The following ARPIN variants were observed in gnomAD, a reference collection of about 807,000 sequenced individuals.
ARPIN encodes the protein UPF0552 protein C15orf38.
In ARPIN, 23 loss-of-function variants were observed where a neutral mutation model predicts 25.9. That is an observed-to-expected ratio of 0.89 (90% CI 0.64 to 1.26). ARPIN has a LOEUF of 1.26. Ranked by LOEUF, ARPIN falls within the 50% of genes most tolerant of loss-of-function variation. The probability of loss-of-function intolerance (pLI) is 0.00; values close to 1 mark genes in which losing one functional copy is unlikely to be tolerated. For synonymous variants in ARPIN, 126 were observed against 131.4 expected, an observed-to-expected ratio of 0.96 and a Z score of 0.28; for missense variants, 333 against 312.2, an observed-to-expected ratio of 1.07 and a Z score of -0.50.
At chr15:89,902,763 T>G in intron 5 of ARPIN, 1 of 720,144 alleles carries the variant, frequency 1.4e-6, no homozygotes, top group Non-Finnish European at 1.8e-6. Flanking sequence ...AGGATCAACG[T>G]GGGGACTGAC....
chr15:89,898,283 G>C lies in ARPIN; in HGVS notation c.*3512C>G, dbSNP rs931261184. 3 of 152,168 alleles carry C rather than the reference G, an allele frequency of 2.0e-5. No homozygotes were observed. Among genetic ancestry groups the C allele is most frequent in the African/African-American group, 7.2e-5 (3 of 41,424 alleles). The allele number at this position is 152,168 out of a possible 1,614,324, so 9.4% of individuals were successfully genotyped here. ...AAAAAATTCAGATGGGTAGAGGAAA[G>C]GGACCTCCCTCCAAGAAAAGAGTCC... On this transcript the variant is annotated 3_prime_UTR_variant, in exon 6 of 6. Transcript: ENST00000357484.
At chr15:89,908,186 G>A (rs2141925087) in intron 3 of ARPIN, 94 bp downstream of exon 3, 3 of 1,564,898 alleles carry the variant, frequency 1.9e-6, no homozygotes, top group East Asian at 2.3e-5. Context: ...GAGGGCTGAA[G>A]AGACACTTTC....
intron 3 of ARPIN, among the ~76,000 whole-genome samples, chr15:89,906,073 C>T (rs1897115674): frequency 6.6e-6 from 1 of 152,134 alleles, no homozygotes; most frequent in Non-Finnish European, 1.5e-5. Context: ...AACACTGAGG[C>T]CACTGTGCCT....
rs1035405308 is a variant in ARPIN, at chr15:89,912,773, T to C, written c.63A>G (p.Pro21=). 3.4e-6 allele frequency: 5 copies of C among 1,460,494 alleles called. No homozygotes were observed. The highest frequency in any genetic ancestry group is 3.2e-5 in the African/African-American group (2 of 62,870). The allele number at this position is 1,460,494 out of a possible 1,614,324, so 90.5% of individuals were successfully genotyped here. ...RNKAVQSVRL[P]GAWDPAAHQG... is the part of the protein sequence containing the mutation. ...GGTGGGCGGCGGGGTCCCAGGCCCC[T>C]GGCAGCCGGACGCTCTGCACCGCCT... The change falls in exon 1 of 6, where the codon CCA becomes CCG. Residue 21 remains proline (P), a synonymous_variant. Transcript: ENST00000357484.
chr15:89,903,967 C>A lies in ARPIN; in HGVS notation c.318G>T (p.Gly106=), dbSNP rs778744252. The change falls in exon 4 of 6, where the codon GGG becomes GGT. Residue 106 remains glycine (G), a synonymous_variant. Coordinates refer to ENST00000357484, the MANE Select transcript of ARPIN (RefSeq NM_182616.4). The part of the protein sequence containing the change: ...LMSSYKVEAK[G]DTDRLTPEAL... ...CCTCGGGCGTGAGCCTGTCAGTGTC[C>A]CCCTTGGCTTCCACCTCTGCAGGCA... 3 of 1,607,194 alleles carry A rather than the reference C, an allele frequency of 1.9e-6. No individual in the cohort carries two copies. Among genetic ancestry groups the A allele is most frequent in the Non-Finnish European group, 2.5e-6 (3 of 1,179,100 alleles).
At chr15:89,907,420 TG>T (rs1439091964) in intron 3 of ARPIN, among the ~76,000 whole-genome samples, 6 of 152,074 alleles carry the variant, frequency 3.9e-5, no homozygotes, top group African/African-American at 1.4e-4. Context: ...TAATCACCAA[TG>T]TGATAGTATT....
At chr15:89,911,646 G>A (rs1163872565) in intron 1 of ARPIN, among the ~76,000 whole-genome samples, 6 of 152,048 alleles carry the variant, frequency 3.9e-5, no homozygotes, top group Non-Finnish European at 8.8e-5. Context: ...TATTCAAGGT[G>A]CACAACGTGA....
intron 5 of ARPIN, chr15:89,902,882 C>T: frequency 8.1e-7 from 1 of 1,238,564 alleles, no homozygotes; most frequent in South Asian, 1.7e-5. Context: ...TGTTCAACTG[C>T]CTCAGCATGG....
In ARPIN at chr15:89,898,014, G is replaced by C. The variant is rs569055150; in HGVS notation, c.*3781C>G. ...TTGGGATTACAGTAATCCTCCTGCT[G>C]AGGCAGGAGAAACTCTTGAACCTGG... On this transcript the variant is annotated 3_prime_UTR_variant, in exon 6 of 6. Transcript: ENST00000357484. The C allele has an allele frequency of 6.6e-6, 1 of 152,016 alleles. No homozygotes were observed. Among genetic ancestry groups the C allele is most frequent in the African/African-American group, 2.4e-5 (1 of 41,444 alleles). 9.4% of individuals were successfully genotyped at this position (152,016 alleles called of 1,614,324 possible).
chr15:89,902,831 C>T (rs74893277), intron 5 of ARPIN: 3 of 1,149,964 alleles, frequency 2.6e-6, no homozygotes, highest in African/African-American at 3.2e-5. Flanking sequence ...ACACTTCAGG[C>T]AAGGAGCCCA....
chr15:89,905,204 TAGAA>T (rs1897098273), intron 3 of ARPIN, among the ~76,000 whole-genome samples: 1 of 152,028 alleles, frequency 6.6e-6, no homozygotes, highest in African/African-American at 2.4e-5. Flanking sequence ...GTATTTTTGT[TAGAA>T]ACGGGGTTTC....
Position 89,901,773 on chromosome 15 carries a change from C to T in ARPIN, c.*22G>A, listed in dbSNP as rs1316984063. Reference sequence around the variant, plus strand: ...CACAATGCTACAGAAGGTGCTGGTGCCCCCAGAGGCAGCCACGTCCCTCAG... The same window carrying T: ...CACAATGCTACAGAAGGTGCTGGTGTCCCCAGAGGCAGCCACGTCCCTCAG... On this transcript the variant is annotated 3_prime_UTR_variant, in exon 6 of 6. Coordinates refer to ENST00000357484, the MANE Select transcript of ARPIN (RefSeq NM_182616.4). The T allele has an allele frequency of 6.8e-6, 11 of 1,612,882 alleles. No individual in the cohort carries two copies. Among genetic ancestry groups the T allele is most frequent in the African/African-American group, 1.3e-5 (1 of 75,012 alleles).
chr15:89,902,853 G>A (rs1051017316), intron 5 of ARPIN: 9 of 1,178,744 alleles, frequency 7.6e-6, no homozygotes, highest in Middle Eastern at 3.7e-4. Flanking sequence ...ACCAAAGGAG[G>A]AAAAACTACG....
At chr15:89,908,877 G>C (rs532906290) in intron 2 of ARPIN, among the ~76,000 whole-genome samples, 1 of 152,134 alleles carries the variant, frequency 6.6e-6, no homozygotes, top group African/African-American at 2.4e-5. Context: ...CAGCTATTCA[G>C]GAGGCTAAGG....
Position 89,901,670 on chromosome 15 carries a change from G to T in ARPIN, c.*125C>A. ...CTTGTTCAAAGAGTATTCCAAGGTG[G>T]CTATGGGGAAGAACCAGGTAAGACT... On this transcript the variant is annotated 3_prime_UTR_variant, in exon 6 of 6. Coordinates refer to ENST00000357484, the MANE Select transcript of ARPIN (RefSeq NM_182616.4). The T allele has an allele frequency of 1.7e-6, 2 of 1,154,226 alleles. No homozygotes were observed. Among genetic ancestry groups the T allele is most frequent in the East Asian group, 2.5e-5 (1 of 40,308 alleles). 71.5% of individuals were successfully genotyped at this position (1,154,226 alleles called of 1,614,324 possible).
intron 3 of ARPIN, among the ~76,000 whole-genome samples, chr15:89,907,224 T>G (rs1897137352): frequency 6.6e-6 from 1 of 151,814 alleles, no homozygotes; most frequent in African/African-American, 2.4e-5. Flanking sequence ...CACGCCACCA[T>G]GCCCAGCTAA....
In ARPIN at chr15:89,900,026, G is replaced by A. The variant is rs193158434; in HGVS notation, c.*1769C>T. The A allele has an allele frequency of 4.9e-3, 745 of 152,338 alleles. 6 individuals are homozygous for A. The highest frequency in any genetic ancestry group is 7.4e-3 in the Non-Finnish European group (506 of 68,074). The allele number at this position is 152,338 out of a possible 1,614,324, so 9.4% of individuals were successfully genotyped here. On this transcript the variant is annotated 3_prime_UTR_variant, in exon 6 of 6. Coordinates refer to ENST00000357484, the MANE Select transcript of ARPIN (RefSeq NM_182616.4). ...AATGGTGACCTGTCCATATAAGTGT[G>A]CCATACCCTTTGGACACAGTGCTTT...
At chr15:89,902,836 A>T (rs1157542426) in intron 5 of ARPIN, 1 of 1,155,778 alleles carries the variant, frequency 8.7e-7, no homozygotes, top group African/African-American at 1.6e-5. Context: ...TCAGGCAAGG[A>T]GCCCAAACCA....
intron 4 of ARPIN, among the ~76,000 whole-genome samples, 168 bp downstream of exon 4, chr15:89,903,609 G>A (rs1197252357): frequency 6.6e-6 from 1 of 152,230 alleles, no homozygotes; most frequent in African/African-American, 2.4e-5. Context: ...GAGCCCAATG[G>A]CCCTAGGGCA....
Sources: allele counts gnomAD v4.1 joint callset (sites outside exome capture counted in the v4.1 genomes callset), GRCh38; gene constraint gnomAD v4.1.1; transcripts MANE v1.5; gene names NCBI Gene and HGNC (gene_info 2026-07-23, HGNC 2026-07-21).